The following ZHX2 variants were observed in gnomAD, a reference collection of about 807,000 sequenced individuals.
ZHX2 encodes the protein zinc fingers and homeoboxes 2.
In ZHX2, 6 loss-of-function variants were observed where a neutral mutation model predicts 21.9. That is an observed-to-expected ratio of 0.27 (90% CI 0.15 to 0.54). ZHX2 has a LOEUF of 0.54. Ranked by LOEUF, ZHX2 falls within the 20% of genes least tolerant of loss-of-function variation. ZHX2 has a pLI of 0.95. For synonymous variants in ZHX2, 434 were observed against 437.1 expected (o/e 0.99, Z 0.09); for missense variants, 908 against 1,090.7 (o/e 0.83, Z 2.36).
chr8:122,781,837 G>C lies in ZHX2; in HGVS notation c.-392G>C, dbSNP rs1216510060. On this transcript the variant is annotated 5_prime_UTR_variant, in exon 1 of 4. Coordinates refer to ENST00000314393, the MANE Select transcript of ZHX2 (RefSeq NM_014943.5). This position sits in a 1 kb window ranked among gnomAD's most constrained non-coding sequence, Gnocchi z 4.6. ...CCACGGAGCCCGAGCCGGGCGCCCGGTGGGGAGTGGGGAGTGGGTGGGGGG... is the reference window on the plus strand; with the variant it reads ...CCACGGAGCCCGAGCCGGGCGCCCGCTGGGGAGTGGGGAGTGGGTGGGGGG... The C allele has an allele frequency of 2.0e-5, 3 of 152,238 alleles. No individual in the cohort carries two copies. The highest frequency in any genetic ancestry group is 2.1e-4 in the South Asian group (1 of 4,834). The allele number at this position is 152,238 out of a possible 1,614,324, so 9.4% of individuals were successfully genotyped here.
At chr8:122,939,553 G>A (rs1812790902) in intron 2 of ZHX2, among the ~76,000 whole-genome samples, 1 of 152,204 alleles carries the variant, frequency 6.6e-6, no homozygotes, top group African/African-American at 2.4e-5. Context: ...TGGAGGCCTG[G>A]TGGAGGGATT....
chr8:122,875,232 A>G (rs1819543935), intron 2 of ZHX2, among the ~76,000 whole-genome samples: 1 of 124,592 alleles, frequency 8.0e-6, no homozygotes, highest in Admixed American at 9.1e-5. Context: ...GTCTTTTCTC[A>G]GAAGGCAGCA....
chr8:122,869,329 T>C (rs917447696), intron 2 of ZHX2, among the ~76,000 whole-genome samples: 3 of 151,754 alleles, frequency 2.0e-5, no homozygotes, highest in African/African-American at 7.3e-5. Context: ...TTTTTTGTTT[T>C]TTTTTTTTGT....
intron 3 of ZHX2, among the ~76,000 whole-genome samples, chr8:122,956,995 T>C (rs1004826084): frequency 6.6e-6 from 1 of 152,132 alleles, no homozygotes; most frequent in African/African-American, 2.4e-5. Flanking sequence ...GTTAAAACCA[T>C]ACAGAAAACC....
At chr8:122,862,703 T>C (rs1819196606) in intron 1 of ZHX2, among the ~76,000 whole-genome samples, 1 of 152,222 alleles carries the variant, frequency 6.6e-6, no homozygotes, top group Non-Finnish European at 1.5e-5. Context: ...AAGAGAAAGC[T>C]CTGCCCACCT....
rs574397734 is a variant in ZHX2, at chr8:122,955,072, G to A, written c.*4+1044G>A. On this transcript the variant is annotated intron_variant, in intron 3 of 3. Transcript: ENST00000314393. Reference sequence around the variant, plus strand: ...AGGCCTGTAGAGTCACATAAGCCGGGGGGGGGGGGGTGGCAGGGCGGTTTC... The same window carrying A: ...AGGCCTGTAGAGTCACATAAGCCGGAGGGGGGGGGGTGGCAGGGCGGTTTC... 2.8e-3 allele frequency among the ~76,000 whole-genome samples: 341 copies of A among 121,596 alleles called. 23 individuals carry two copies. Among genetic ancestry groups the A allele is most frequent in the African/African-American group, 0.01 (321 of 30,734 alleles). 79.8% of individuals were successfully genotyped at this position (121,596 alleles called of 152,430 possible). A position where few individuals can be genotyped will look rare whatever the true frequency, so the allele number is the denominator to read the frequency against.
chr8:122,849,558 T>C (rs1377640545), intron 1 of ZHX2, among the ~76,000 whole-genome samples: 2 of 152,198 alleles, frequency 1.3e-5, no homozygotes, highest in Non-Finnish European at 2.9e-5. Context: ...TGGCATTCCT[T>C]GTGGCTGCAT....
intron 3 of ZHX2, among the ~76,000 whole-genome samples, chr8:122,972,347 C>G (rs1171733537): frequency 6.6e-6 from 1 of 152,208 alleles, no homozygotes; most frequent in Non-Finnish European, 1.5e-5. Context: ...GGACTATTTT[C>G]ATTACTTCCA....
chr8:122,952,671 C>G lies in ZHX2; in HGVS notation c.1161C>G (p.Thr387=). 6.2e-7 allele frequency: 1 copy of G among 1,614,162 alleles called. No homozygotes were observed. Among genetic ancestry groups the G allele is most frequent in the Non-Finnish European group, 8.5e-7 (1 of 1,180,036 alleles). ...CTCAGGTGACCAGCGGGTCAACAAC[C>G]GTCTCTTGCTCCCCCATCACACTTG... ...VLTQVTSGST[T]VSCSPITLAV... The change falls in exon 3 of 4, where the codon ACC becomes ACG. Residue 387 remains threonine (T), a synonymous_variant. Transcript: ENST00000314393. This position sits in a 1 kb window ranked among gnomAD's most constrained non-coding sequence, Gnocchi z 6.9.
intron 1 of ZHX2, among the ~76,000 whole-genome samples, chr8:122,852,332 T>C (rs577042192): frequency 6.6e-6 from 1 of 152,186 alleles, no homozygotes; most frequent in Non-Finnish European, 1.5e-5. Flanking sequence ...TAAATAATAG[T>C]GACTCTTATT....
chr8:122,952,912 G>A lies in ZHX2; in HGVS notation c.1402G>A (p.Glu468Lys), dbSNP rs1265852157. ...CCAGAGCCAGTTCCCTGACGATGCC[G>A]AGGTTTACCGGCTCATCGAGGTGAC... is the stretch of plus-strand genomic sequence containing the variant. ...FLQSQFPDDA[E>K]VYRLIEVTGL... Residue 468 changes from glutamate to lysine, a missense_variant, in exon 3 of 4, where the codon GAG (glutamate) becomes AAG (lysine). Around this residue, in one of 4 missense-constraint regions of ZHX2, gnomAD observed 232 missense variants for 361.8 expected, o/e 0.64. Transcript: ENST00000314393. This position sits in a 1 kb window ranked among gnomAD's most constrained non-coding sequence, Gnocchi z 6.9. 3.7e-6 allele frequency: 6 copies of A among 1,614,142 alleles called. No homozygotes were observed. Among genetic ancestry groups the A allele is most frequent in the South Asian group, 1.1e-5 (1 of 91,088 alleles).
At chr8:122,852,697 C>T (rs190943280) in intron 1 of ZHX2, among the ~76,000 whole-genome samples, 3 of 152,174 alleles carry the variant, frequency 2.0e-5, no homozygotes, top group East Asian at 3.9e-4. Flanking sequence ...GAGTCATGGG[C>T]GTGAATGCAA....
At chr8:122,785,644 A>G (rs1307364051) in intron 1 of ZHX2, among the ~76,000 whole-genome samples, 1 of 152,190 alleles carries the variant, frequency 6.6e-6, no homozygotes, top group Non-Finnish European at 1.5e-5. Flanking sequence ...AGTTGGACCC[A>G]TTGCTGTCAT....
chr8:122,781,511 C>T (rs1001371007), upstream of ZHX2: 2 of 152,572 alleles, frequency 1.3e-5, no homozygotes, highest in East Asian at 1.9e-4. The surrounding 1 kb of genome is among the most constrained non-coding windows in gnomAD (Gnocchi z 4.6). Context: ...AGCCTCCCCC[C>T]CAGCTCCTGC....
chr8:122,960,017 A>T (rs909371751), intron 3 of ZHX2, among the ~76,000 whole-genome samples: 5 of 152,138 alleles, frequency 3.3e-5, no homozygotes, highest in Non-Finnish European at 7.4e-5. Flanking sequence ...TCATCCATCA[A>T]GTATTTGTGG....
chr8:122,807,794 C>A (rs1262325665), intron 1 of ZHX2: 1 of 152,212 alleles, frequency 6.6e-6, no homozygotes, highest in Admixed American at 6.5e-5. Flanking sequence ...ATAAGCAAAC[C>A]GAGGCACTGG....
At chr8:122,929,640 T>TAAAAA (rs754405611) in intron 2 of ZHX2, among the ~76,000 whole-genome samples, 1 of 136,450 alleles carries the variant, frequency 7.3e-6, no homozygotes. Context: ...GACCATGTCT[T>TAAAAA]AAAAAAAAAA....
intron 1 of ZHX2, among the ~76,000 whole-genome samples, chr8:122,835,291 G>C (rs1321669628): frequency 6.6e-6 from 1 of 152,258 alleles, no homozygotes; most frequent in African/African-American, 2.4e-5. Flanking sequence ...CGGGGCATGG[G>C]CCAAAGATGG....
upstream of ZHX2, chr8:122,780,448 T>C (rs1419775466): frequency 6.6e-6 from 1 of 152,310 alleles, no homozygotes; most frequent in Non-Finnish European, 1.5e-5. Flanking sequence ...GCCCGGGAGC[T>C]GCCCAAGAGT....
Sources: allele counts gnomAD v4.1 joint callset (sites outside exome capture counted in the v4.1 genomes callset), GRCh38; gene constraint gnomAD v4.1.1; regional missense constraint gnomAD v4.1.1; non-coding constraint Gnocchi (gnomAD v3.1); transcripts MANE v1.5; gene names NCBI Gene and HGNC (gene_info 2026-07-23, HGNC 2026-07-21).